FBN1: variants seen among roughly 807,000 people sequenced by gnomAD.
FBN1 encodes fibrillin 1.
FBN1 carries 29 observed loss-of-function variants against 365.1 expected under a neutral mutation model. The ratio of observed to expected loss-of-function variants is 0.08; its 90% confidence interval spans 0.06 to 0.11. The LOEUF is 0.11. Ranked by LOEUF, FBN1 falls within the 10% of genes least tolerant of loss-of-function variation. The probability of loss-of-function intolerance (pLI) is 1.00; values close to 1 mark genes in which losing one functional copy is unlikely to be tolerated. For missense variants in FBN1, 2,476 were observed against 3,703.2 expected, an observed-to-expected ratio of 0.67 and a Z score of 8.60; for synonymous variants, 1,210 against 1,270.5, an observed-to-expected ratio of 0.95 and a Z score of 1.01.
intron 3 of FBN1, among the ~76,000 whole-genome samples, chr15:48,612,344 G>A (rs2044662941): frequency 6.6e-6 from 1 of 152,116 alleles, no homozygotes; most frequent in African/African-American, 2.4e-5. Flanking sequence ...TCTGAAAACT[G>A]GACATTATTT....
chr15:48,452,232 T>A (rs1486588529), intron 45 of FBN1, among the ~76,000 whole-genome samples: 4 of 152,132 alleles, frequency 2.6e-5, no homozygotes, highest in African/African-American at 9.7e-5. Context: ...CTTAGGGGAA[T>A]GTGTGTATGC....
Position 48,408,516 on chromosome 15 carries a change from T to C in FBN1, c.*2474A>G, listed in dbSNP as rs2042835952. ...TCAACCCTACTTACAAAATAATTAT[T>C]GGCAAATGAAATGGGCTGAGGGGGT... On this transcript the variant is annotated 3_prime_UTR_variant, in exon 66 of 66. Transcript: ENST00000316623. 1 of 152,642 alleles carries C rather than the reference T, an allele frequency of 6.6e-6. No homozygotes were observed. 9.5% of individuals were successfully genotyped at this position (152,642 alleles called of 1,614,324 possible).
Position 48,425,806 on chromosome 15 carries a change from GT to G in FBN1, c.7262del (p.Asp2421AlafsTer17). The stretch of plus-strand genomic sequence containing the variant: ...TACAAATGCAATGATATGATCCTCT[GT>G]CATTGACACATTCCCCATTTCGGCA... ...DVCRNGECVN[D>X]RGSYHCICKT... On this transcript the variant is annotated frameshift_variant, in exon 59 of 66. Coordinates refer to ENST00000316623, the MANE Select transcript of FBN1 (RefSeq NM_000138.5). LOFTEE classifies it high-confidence loss of function. 6.2e-7 allele frequency: 1 copy of G among 1,608,884 alleles called. No homozygotes were observed. Among genetic ancestry groups the G allele is most frequent in the Non-Finnish European group, 8.5e-7 (1 of 1,175,356 alleles).
At chr15:48,579,264 A>C (rs1344304092) in intron 6 of FBN1, among the ~76,000 whole-genome samples, 1 of 152,164 alleles carries the variant, frequency 6.6e-6, no homozygotes, top group Non-Finnish European at 1.5e-5. Flanking sequence ...TGCTTACAAC[A>C]GAACATTTCT....
chr15:48,624,104 T>C (rs1212535791), intron 2 of FBN1, among the ~76,000 whole-genome samples: 1 of 152,072 alleles, frequency 6.6e-6, no homozygotes, highest in East Asian at 1.9e-4. Context: ...GAATCTTTTA[T>C]AGGTGGAGTG....
Position 48,434,588 on chromosome 15 carries a change from A to T in FBN1, c.6616+6T>A. 1 of 1,613,442 alleles carries T rather than the reference A, an allele frequency of 6.2e-7. No individual in the cohort carries two copies. The highest frequency in any genetic ancestry group is 8.5e-7 in the Non-Finnish European group (1 of 1,179,620). On this transcript the variant is annotated splice_donor_region_variant and intron_variant, in intron 54 of 65. Coordinates refer to ENST00000316623, the MANE Select transcript of FBN1 (RefSeq NM_000138.5). The stretch of plus-strand genomic sequence containing the variant: ...TAATCAACTGTTCTCTGTTTAAGAG[A>T]TGTACCTTCACATGTCATCATTGGA...
At position 48,437,366 on chromosome 15, in the gene FBN1, G is replaced by C. The variant is rs2043081607; in HGVS notation, c.6335C>G (p.Pro2112Arg). The change falls in exon 52 of 66, where the codon CCT becomes CGT. Residue 2112 changes from proline (P) to arginine (R), a missense_variant. By Grantham distance (103) the Pro-to-Arg change is moderately radical (BLOSUM62 -2). Coordinates refer to ENST00000316623, the MANE Select transcript of FBN1 (RefSeq NM_000138.5). The stretch of plus-strand genomic sequence containing the variant: ...TCCCACGATGATCCCACTTCCATAA[G>C]GACATATCTGGCGGAAGGCCTCTGT... ...EPDEAFRQIC[P>R]YGSGIIVGPD... 1 of 1,613,320 alleles carries C rather than the reference G, an allele frequency of 6.2e-7. No individual in the cohort carries two copies. The highest frequency in any genetic ancestry group is 8.5e-7 in the Non-Finnish European group (1 of 1,179,610).
At chr15:48,507,127 T>A (rs181282234) in intron 15 of FBN1, among the ~76,000 whole-genome samples, 1 of 152,316 alleles carries the variant, frequency 6.6e-6, no homozygotes, top group East Asian at 1.9e-4. Context: ...CGCTGTGGCC[T>A]GGGTCAGCAG....
chr15:48,600,927 A>T (rs1333380637), intron 4 of FBN1, among the ~76,000 whole-genome samples: 1 of 152,234 alleles, frequency 6.6e-6, no homozygotes, highest in African/African-American at 2.4e-5. Context: ...ACAGGGGAAC[A>T]GTTAAGAGTA....
At chr15:48,421,372 C>A (rs1183498520) in intron 62 of FBN1, among the ~76,000 whole-genome samples, 186 bp downstream of exon 62, 1 of 151,630 alleles carries the variant, frequency 6.6e-6, no homozygotes, top group Non-Finnish European at 1.5e-5. Flanking sequence ...GTGTGTTAGA[C>A]ACAATCAAGC....
chr15:48,637,154 C>G (rs1890109331), intron 2 of FBN1, among the ~76,000 whole-genome samples: 1 of 152,164 alleles, frequency 6.6e-6, no homozygotes. Flanking sequence ...TTCTTCACCC[C>G]TTTCACTGAA....
At chr15:48,623,603 T>C (rs1889811359) in intron 2 of FBN1, among the ~76,000 whole-genome samples, 1 of 152,258 alleles carries the variant, frequency 6.6e-6, no homozygotes, top group African/African-American at 2.4e-5. Context: ...CATTTTATTA[T>C]GGCAGATTGC....
At chr15:48,420,191 G>GA (rs1423803650) in intron 63 of FBN1, among the ~76,000 whole-genome samples, 5 of 88,162 alleles carry the variant, frequency 5.7e-5, no homozygotes, top group African/African-American at 1.9e-4. Flanking sequence ...TAGCAATCTT[G>GA]AAAAACAAAA....
chr15:48,463,271 G>A (rs1438285923), intron 41 of FBN1, 31 bp from the exon 42 acceptor site: 2 of 1,607,560 alleles, frequency 1.2e-6, no homozygotes, highest in Non-Finnish European at 8.5e-7. Context: ...AGGATTGGAG[G>A]GTTGGTGATG....
chr15:48,588,800 C>A (rs547918989), intron 6 of FBN1, among the ~76,000 whole-genome samples: 1 of 152,098 alleles, frequency 6.6e-6, no homozygotes, highest in African/African-American at 2.4e-5. Context: ...CTAGCCCTTC[C>A]TGGGAAACTG....
At chr15:48,638,208 CTT>C (rs145176318) in intron 2 of FBN1, among the ~76,000 whole-genome samples, 2,552 of 152,176 alleles carry the variant, frequency 0.017, 69 homozygotes, top group African/African-American at 0.059. Flanking sequence ...CCCTAATAGA[CTT>C]TCACTGTAAA....
intron 27 of FBN1, among the ~76,000 whole-genome samples, 181 bp from the exon 28 acceptor site, chr15:48,487,618 G>T (rs1323396951): frequency 6.6e-6 from 1 of 152,070 alleles, no homozygotes; most frequent in Non-Finnish European, 1.5e-5. Context: ...CCAAAATGCA[G>T]CCAAACTCTT....
At chr15:48,411,986 A>C (rs1253010733) in intron 65 of FBN1, among the ~76,000 whole-genome samples, 1 of 152,172 alleles carries the variant, frequency 6.6e-6, no homozygotes, top group Non-Finnish European at 1.5e-5. Context: ...AATGCTTTTC[A>C]CCTGGCTTCT....
rs149681175 is a variant in FBN1 at position 48,492,542 on chromosome 15, G to C, written c.2773C>G (p.Leu925Val). 5.1e-5 allele frequency: 83 copies of C among 1,612,074 alleles called. No homozygotes were observed. The highest frequency in any genetic ancestry group is 6.2e-5 in the Non-Finnish European group (73 of 1,178,370). ...AATGACCCCCTAGTGTTAACACACA[G>C]GCCATTTTTACACACTCCTGGGAAC... Reference protein sequence around the residue: ...EVFPGVCKNGLCVNTRGSFKC... With the variant: ...EVFPGVCKNGVCVNTRGSFKC... The change falls in exon 24 of 66, where the codon CTG becomes GTG. Residue 925 changes from leucine to valine, a missense_variant. Leu to Val is a conservative substitution (Grantham distance 32, BLOSUM62 1). Transcript: ENST00000316623.
Sources: gnomAD v4.1 joint callset for allele counts (sites outside exome capture counted in the v4.1 genomes callset) on GRCh38, gnomAD v4.1.1 for gene constraint, MANE v1.5 for transcripts, NCBI Gene and HGNC (gene_info 2026-07-23, HGNC 2026-07-21) for gene names.